The following LAP3 variants were observed in gnomAD, a reference collection of about 807,000 sequenced individuals.
LAP3 encodes the protein leucine aminopeptidase 3, also known as cytosol aminopeptidase.
A neutral mutation model predicts 58.8 loss-of-function variants in LAP3; 46 were observed. The observed-to-expected ratio is 0.78, with a 90% CI of 0.62 to 1.00. The LOEUF is 1.00. Among genes scored for constraint, LAP3 ranks in the 50% least tolerant of loss-of-function variants. The pLI, the probability that LAP3 is intolerant of heterozygous loss-of-function variation, is 0.00. For missense variants in LAP3, 615 were observed against 659.1 expected, an observed-to-expected ratio of 0.93 and a Z score of 0.73; for synonymous variants, 257 against 237.7, an observed-to-expected ratio of 1.08 and a Z score of -0.75.
At chr4:17,585,334 A>G (rs7670500) in intron 6 of LAP3, 198 bp downstream of exon 6, 319,206 of 500,616 alleles carry the variant, frequency 0.64, 104,193 homozygotes, top group East Asian at 0.9. Flanking sequence ...TGAGAGAGAG[A>G]GTGCCATGAT....
chr4:17,591,918 T>C (rs997350074), intron 7 of LAP3, among the ~76,000 whole-genome samples: 1 of 151,872 alleles, frequency 6.6e-6, no homozygotes, highest in African/African-American at 2.4e-5. Context: ...ATACATACAG[T>C]GAAATTCACC....
chr4:17,607,161 A>G (rs1714162011), intron 12 of LAP3, among the ~76,000 whole-genome samples: 1 of 152,232 alleles, frequency 6.6e-6, no homozygotes, highest in Non-Finnish European at 1.5e-5. Flanking sequence ...ATGGTAAGGG[A>G]AAGAGATGGA....
At position 17,579,989 on chromosome 4, in the gene LAP3, CA is replaced by C; in HGVS notation, c.218+51del. 3.6e-6 allele frequency: 4 copies of C among 1,097,820 alleles called. No homozygotes were observed. In the South Asian group the frequency reaches 5.3e-5, roughly 15 times the overall value. 68.0% of individuals were successfully genotyped at this position (1,097,820 alleles called of 1,614,324 possible). On this transcript the variant is annotated intron_variant, in intron 2 of 12. Transcript: ENST00000226299. ...TTCTTAAAGTGCCCCCAAATCGAAA[CA>C]GTATTTTTTCTTTCTTTTCTTTTTT...
In LAP3 at chr4:17,577,314, G is replaced by C. The variant is rs1713220968; in HGVS notation, c.-152G>C. On this transcript the variant is annotated 5_prime_UTR_variant, in exon 1 of 13. Transcript: ENST00000226299. ...TCCAGTCGGCCGGTGCTGCCCATCCGTCCCGCCCCCTAGACGCACGTCCGC... is the reference window on the plus strand; with the variant it reads ...TCCAGTCGGCCGGTGCTGCCCATCCCTCCCGCCCCCTAGACGCACGTCCGC... 1 of 273,610 alleles carries C rather than the reference G, an allele frequency of 3.7e-6. No individual in the cohort carries two copies. Among genetic ancestry groups the C allele is most frequent in the Non-Finnish European group, 5.9e-6 (1 of 168,366 alleles). The allele number at this position is 273,610 out of a possible 1,614,324, so 16.9% of individuals were successfully genotyped here.
At position 17,579,936 on chromosome 4, in the gene LAP3, A is replaced by G; in HGVS notation, c.215A>G (p.Asn72Ser). ...GCTGGAAAGCTGAGAGAGACTTTGA[A>G]CATGTAAGTGTTGCTTGTGGGCTCT... Reference protein sequence around the residue: ...LLAGKLRETLNISGPPLKAGK... With the variant: ...LLAGKLRETLSISGPPLKAGK... Residue 72 changes from asparagine (N) to serine (S), a missense_variant, in exon 2 of 13, where the codon AAC (asparagine) becomes AGC (serine). Transcript: ENST00000226299. The G allele has an allele frequency of 6.4e-7, 1 of 1,574,082 alleles. No individual in the cohort carries two copies. Among genetic ancestry groups the G allele is most frequent in the Non-Finnish European group, 8.7e-7 (1 of 1,145,294 alleles).
intron 7 of LAP3, among the ~76,000 whole-genome samples, chr4:17,593,161 A>C (rs562832305): frequency 2.0e-5 from 3 of 152,348 alleles, no homozygotes; most frequent in South Asian, 4.1e-4. Flanking sequence ...AAGGTATTCA[A>C]ATCTTTTGCC....
intron 6 of LAP3, chr4:17,585,375 G>T (rs1350267257): frequency 3.4e-6 from 1 of 294,864 alleles, no homozygotes; most frequent in Non-Finnish European, 6.4e-6. Context: ...TCATAACTGT[G>T]TTATTCAGAC....
At chr4:17,583,377 T>G (rs1713414800) in intron 4 of LAP3, 106 bp from the exon 5 acceptor site, 12 of 1,227,850 alleles carry the variant, frequency 9.8e-6, no homozygotes, top group Non-Finnish European at 1.4e-5. Context: ...GGCTGGGATT[T>G]GAACCCCAGG....
At position 17,577,474 on chromosome 4, in the gene LAP3, G is replaced by C. The variant is rs777600990; in HGVS notation, c.9G>C (p.Leu3Phe). 1.9e-6 allele frequency: 3 copies of C among 1,577,710 alleles called. No homozygotes were observed. In the African/African-American group the frequency reaches 4.1e-5, roughly 21 times the overall value. The change falls in exon 1 of 13, where the codon TTG becomes TTC. Residue 3 changes from leucine to phenylalanine, a missense_variant. Coordinates refer to ENST00000226299, the MANE Select transcript of LAP3 (RefSeq NM_015907.3). MF[L>F]LPLPAAGRVV... ...GGGGCCGAGCCGACAAGATGTTCTT[G>C]CTGCCTCTTCCGGCTGCGGGGCGAG...
At chr4:17,577,632 G>A in intron 1 of LAP3, 65 bp downstream of exon 1, 4 of 1,314,718 alleles carry the variant, frequency 3.0e-6, no homozygotes, top group Non-Finnish European at 4.2e-6. Context: ...CTGGGGCTGC[G>A]GGGCTGGTCG....
intron 12 of LAP3, 55 bp from the exon 13 acceptor site, chr4:17,607,345 G>A: frequency 2.1e-5 from 31 of 1,496,222 alleles, no homozygotes; most frequent in Non-Finnish European, 2.8e-5. Context: ...AAAAATGTGG[G>A]ATCTCAGTGC....
In LAP3 at chr4:17,577,462, C is replaced by G. The variant is rs754393344; in HGVS notation, c.-4C>G. On this transcript the variant is annotated 5_prime_UTR_variant, in exon 1 of 13. Coordinates refer to ENST00000226299, the MANE Select transcript of LAP3 (RefSeq NM_015907.3). Reference sequence around the variant, plus strand: ...AGGGCGGTGCGAGGGGCCGAGCCGACAAGATGTTCTTGCTGCCTCTTCCGG... The same window carrying G: ...AGGGCGGTGCGAGGGGCCGAGCCGAGAAGATGTTCTTGCTGCCTCTTCCGG... The G allele has an allele frequency of 1.3e-6, 2 of 1,568,242 alleles. No individual in the cohort carries two copies. The highest frequency in any genetic ancestry group is 1.2e-5 in the South Asian group (1 of 85,494).
chr4:17,597,779 T>A (rs1259456221), intron 9 of LAP3, among the ~76,000 whole-genome samples: 2 of 152,208 alleles, frequency 1.3e-5, no homozygotes, highest in African/African-American at 4.8e-5. Context: ...GTGACTTTTT[T>A]CCATTGTAGG....
chr4:17,607,060 T>C lies in LAP3; in HGVS notation c.1370+122T>C. On this transcript the variant is annotated intron_variant, in intron 12 of 12. Transcript: ENST00000226299. ...TTTAATTTCCTTTTGGTGTAGTGCT[T>C]GTAAGATTTTTAATGTCTTGAATTT... 8.1e-6 allele frequency: 5 copies of C among 613,826 alleles called. No homozygotes were observed. In the South Asian group the frequency reaches 1.2e-4, roughly 15 times the overall value. 38.0% of individuals were successfully genotyped at this position (613,826 alleles called of 1,614,324 possible).
At chr4:17,588,213 T>TC (rs1253214065) in intron 6 of LAP3, among the ~76,000 whole-genome samples, 1 of 146,312 alleles carries the variant, frequency 6.8e-6, no homozygotes, top group Non-Finnish European at 1.5e-5. Context: ...TTTTTTTTTT[T>TC]CTGTAGAGAC....
chr4:17,581,800 T>C lies in LAP3; in HGVS notation c.259T>C (p.Tyr87His). The change falls in exon 3 of 13, where the codon TAT becomes CAT. Residue 87 changes from tyrosine (Y) to histidine (H), a missense_variant. Transcript: ENST00000226299. ...GAAGGCAGGGAAGACTCGAACCTTT[T>C]ATGGTCTGCATCAGGTATGAGAAGA... ...PLKAGKTRTF[Y>H]GLHQDFPSVV... 3.1e-6 allele frequency: 5 copies of C among 1,613,800 alleles called. No homozygotes were observed. The South Asian group carries it at 5.5e-5, about 18-fold the overall frequency.
At chr4:17,603,339 C>T (rs970052888) in intron 10 of LAP3, among the ~76,000 whole-genome samples, 1 of 151,844 alleles carries the variant, frequency 6.6e-6, no homozygotes, top group Admixed American at 6.6e-5. Flanking sequence ...TGAGCACATA[C>T]AGGATGGCCT....
intron 10 of LAP3, among the ~76,000 whole-genome samples, chr4:17,603,450 G>T (rs1369923024): frequency 6.6e-6 from 1 of 152,012 alleles, no homozygotes; most frequent in African/African-American, 2.4e-5. Context: ...TTGAGCCCAG[G>T]AGTTCAAGAC....
At chr4:17,587,480 T>A (rs961861230) in intron 6 of LAP3, 2 of 151,514 alleles carry the variant, frequency 1.3e-5, no homozygotes, top group African/African-American at 4.9e-5. Context: ...TCTTCCGATT[T>A]AAAATTTTTT....
Sources: gnomAD v4.1 joint callset for allele counts (sites outside exome capture counted in the v4.1 genomes callset) on GRCh38, gnomAD v4.1.1 for gene constraint, MANE v1.5 for transcripts, NCBI Gene and HGNC (gene_info 2026-07-23, HGNC 2026-07-21) for gene names.